The following RTKN2 variants were observed in gnomAD, a reference collection of about 807,000 sequenced individuals.
RTKN2 encodes rhotekin-2.
Under a neutral mutation model 71.5 loss-of-function variants are expected in RTKN2, and 69 were observed. The ratio of observed to expected loss-of-function variants is 0.96; its 90% CI spans 0.79 to 1.18. RTKN2 has a LOEUF of 1.18. Among genes scored for constraint, RTKN2 ranks in the 50% most tolerant of loss-of-function variants. RTKN2 has a pLI of 0.00. For missense variants in RTKN2, 724 were observed against 719.7 expected, an observed-to-expected ratio of 1.01 and a Z score of -0.07; for synonymous variants, 236 against 236.5, an observed-to-expected ratio of 1.00 and a Z score of 0.02.
intron 10 of RTKN2, among the ~76,000 whole-genome samples, chr10:62,203,188 T>C (rs1841480491): frequency 6.6e-6 from 1 of 151,908 alleles, no homozygotes. Flanking sequence ...ATAAAACAAA[T>C]AAAAATACCA....
At chr10:62,185,352 T>C (rs537127431) in intron 8 of RTKN2, among the ~76,000 whole-genome samples, 432 of 152,294 alleles carry the variant, frequency 2.8e-3, no homozygotes, top group African/African-American at 9.9e-3. Flanking sequence ...GCACGGTGGC[T>C]CAGGCCTGTA....
intron 9 of RTKN2, among the ~76,000 whole-genome samples, chr10:62,207,972 G>T (rs4979773): frequency 6.6e-6 from 1 of 151,796 alleles, no homozygotes; most frequent in Non-Finnish European, 1.5e-5. Context: ...TTTGTAAATA[G>T]ATTTGAGATT....
chr10:62,264,273 G>A (rs1269247085), intron 1 of RTKN2, among the ~76,000 whole-genome samples: 1 of 152,154 alleles, frequency 6.6e-6, no homozygotes, highest in East Asian at 1.9e-4. Flanking sequence ...TCAATCAACT[G>A]TACTATTTAC....
chr10:62,199,652 C>T (rs1841399337), intron 11 of RTKN2, 102 bp downstream of exon 11: 1 of 606,900 alleles, frequency 1.6e-6, no homozygotes. Flanking sequence ...TTGATTGTGC[C>T]CTGAAAATTT....
chr10:62,202,998 T>G (rs1841474835), intron 10 of RTKN2, among the ~76,000 whole-genome samples: 1 of 151,998 alleles, frequency 6.6e-6, no homozygotes, highest in Non-Finnish European at 1.5e-5. Context: ...CCGTCTCTAC[T>G]AAAAATACAA....
chr10:62,268,289 G>T (rs1268838294), intron 1 of RTKN2, among the ~76,000 whole-genome samples: 1 of 152,262 alleles, frequency 6.6e-6, no homozygotes, highest in African/African-American at 2.4e-5. Context: ...GCAGCGGACA[G>T]GTGCGCCCGC....
chr10:62,212,064 G>C (rs188416716), intron 9 of RTKN2, among the ~76,000 whole-genome samples: 1 of 151,398 alleles, frequency 6.6e-6, no homozygotes, highest in African/African-American at 2.4e-5. Flanking sequence ...TACATTGTTC[G>C]AGACCACCCT....
chr10:62,197,023 T>C lies in RTKN2; in HGVS notation c.*885A>G. On this transcript the variant is annotated 3_prime_UTR_variant, in exon 12 of 12. Coordinates refer to ENST00000373789, the MANE Select transcript of RTKN2 (RefSeq NM_145307.4). Reference sequence around the variant, plus strand: ...GGAAAAGGAAATCTAATTAAAATTTTAAAAAAGAATTCTGAAAATTATTTA... The same window carrying C: ...GGAAAAGGAAATCTAATTAAAATTTCAAAAAAGAATTCTGAAAATTATTTA... The C allele has an allele frequency of 1.0e-6, 1 of 975,124 alleles. No individual in the cohort carries two copies. Among genetic ancestry groups the C allele is most frequent in the Non-Finnish European group, 1.2e-6 (1 of 820,676 alleles). The allele number at this position is 975,124 out of a possible 1,614,324, so 60.4% of individuals were successfully genotyped here. A position where few individuals can be genotyped will look rare whatever the true frequency, so the allele number is the denominator to read the frequency against.
intron 2 of RTKN2, among the ~76,000 whole-genome samples, chr10:62,259,542 GT>G (rs1434212757): frequency 1.3e-5 from 2 of 151,988 alleles, no homozygotes; most frequent in African/African-American, 4.8e-5. Flanking sequence ...ATTTTTCAAA[GT>G]AAATTTTTCT....
intron 2 of RTKN2, among the ~76,000 whole-genome samples, chr10:62,252,150 G>C (rs1208477594): frequency 3.3e-5 from 5 of 151,990 alleles, no homozygotes; most frequent in Non-Finnish European, 5.9e-5. Flanking sequence ...TGTGCCAAAT[G>C]GTCAGCCTTA....
rs1841349456 is a variant in RTKN2, at chr10:62,197,241, C to T, written c.*667G>A. The T allele has an allele frequency of 2.0e-6, 2 of 985,476 alleles. No individual in the cohort carries two copies. The highest frequency in any genetic ancestry group is 2.4e-6 in the Non-Finnish European group (2 of 829,624). The allele number at this position is 985,476 out of a possible 1,614,324, so 61.0% of individuals were successfully genotyped here. On this transcript the variant is annotated 3_prime_UTR_variant, in exon 12 of 12. Transcript: ENST00000373789. The stretch of plus-strand genomic sequence containing the variant: ...TTTCTCTAAACTAGTAAGTGTTATG[C>T]TTCATTTATGAAAGTTAATGTCAAC...
Position 62,195,610 on chromosome 10 carries a change from G to GAAT in RTKN2, c.*2297_*2298insATT, listed in dbSNP as rs1564496168. On this transcript the variant is annotated 3_prime_UTR_variant, in exon 12 of 12. Coordinates refer to ENST00000373789, the MANE Select transcript of RTKN2 (RefSeq NM_145307.4). ...AGGAGAGACGGACAGAGGGAATGAA[G>GAAT]GAAGGAAGGAAGGAAGGAAGGAAGG... 23 of 126,042 alleles carry GAAT rather than the reference G, an allele frequency of 1.8e-4. No homozygotes were observed. In the African/African-American group the frequency reaches 2.1e-3, roughly 11 times the overall value. The allele number at this position is 126,042 out of a possible 1,614,324, so 7.8% of individuals were successfully genotyped here. A position where few individuals can be genotyped will look rare whatever the true frequency, so the allele number is the denominator to read the frequency against.
chr10:62,260,264 A>C (rs1842749203), intron 2 of RTKN2, among the ~76,000 whole-genome samples: 1 of 152,208 alleles, frequency 6.6e-6, no homozygotes, highest in Non-Finnish European at 1.5e-5. Flanking sequence ...ACAGGGCTTA[A>C]TAAGTGTTCT....
chr10:62,197,330 G>A lies in RTKN2; in HGVS notation c.*578C>T, dbSNP rs560466013. The stretch of plus-strand genomic sequence containing the variant: ...CACATTACAAATTCCCTTTAAAGAT[G>A]AAGAATTTAATATTCTAAAATTTAT... On this transcript the variant is annotated 3_prime_UTR_variant, in exon 12 of 12. Coordinates refer to ENST00000373789, the MANE Select transcript of RTKN2 (RefSeq NM_145307.4). 2 of 984,366 alleles carry A rather than the reference G, an allele frequency of 2.0e-6. No homozygotes were observed. The highest frequency in any genetic ancestry group is 2.3e-4 in the East Asian group (2 of 8,820). The allele number at this position is 984,366 out of a possible 1,614,324, so 61.0% of individuals were successfully genotyped here. A position where few individuals can be genotyped will look rare whatever the true frequency, so the allele number is the denominator to read the frequency against.
chr10:62,188,337 C>T (rs963122982), downstream of RTKN2, among the ~76,000 whole-genome samples: 2 of 152,134 alleles, frequency 1.3e-5, no homozygotes, highest in African/African-American at 4.8e-5. Flanking sequence ...TACTGTCTTC[C>T]CCCTAAGTGA....
chr10:62,227,555 GCAGA>G (rs1842055154), intron 6 of RTKN2, among the ~76,000 whole-genome samples: 2 of 152,284 alleles, frequency 1.3e-5, no homozygotes, highest in Admixed American at 1.3e-4. Context: ...TAAGTAGGGG[GCAGA>G]CAGACAGACA....
At chr10:62,266,536 G>A (rs573724786) in intron 1 of RTKN2, among the ~76,000 whole-genome samples, 67 of 74,796 alleles carry the variant, frequency 9.0e-4, no homozygotes, top group African/African-American at 2.6e-3. Flanking sequence ...GGCCATTCTG[G>A]GGAATGGAAC....
At chr10:62,189,603 A>T (rs1233613661), downstream of RTKN2, among the ~76,000 whole-genome samples, 1 of 152,150 alleles carries the variant, frequency 6.6e-6, no homozygotes, top group African/African-American at 2.4e-5. Context: ...AGGCGGGCAG[A>T]TCACCTGAGG....
rs1841321016 is a variant in RTKN2 at position 62,195,874 on chromosome 10, C to G, written c.*2034G>C. 1.0e-6 allele frequency: 1 copy of G among 985,206 alleles called. No homozygotes were observed. The highest frequency in any genetic ancestry group is 1.7e-5 in the African/African-American group (1 of 57,180). 61.0% of individuals were successfully genotyped at this position (985,206 alleles called of 1,614,324 possible). ...GTTCTAGGTAAAAAGGGCTTCAGTCCTGTTTCAAAGTTCTACTCTGAGGGC... is the reference window on the plus strand; with the variant it reads ...GTTCTAGGTAAAAAGGGCTTCAGTCGTGTTTCAAAGTTCTACTCTGAGGGC... On this transcript the variant is annotated 3_prime_UTR_variant, in exon 12 of 12. Coordinates refer to ENST00000373789, the MANE Select transcript of RTKN2 (RefSeq NM_145307.4).
Sources: gnomAD v4.1 joint callset for allele counts (sites outside exome capture counted in the v4.1 genomes callset) on GRCh38, gnomAD v4.1.1 for gene constraint, MANE v1.5 for transcripts, NCBI Gene and HGNC (gene_info 2026-07-23, HGNC 2026-07-21) for gene names.